Variants in IL1RAPL2 observed in about 807,000 individuals in gnomAD.
IL1RAPL2 encodes the protein X-linked interleukin-1 receptor accessory protein-like 2.
In IL1RAPL2, 3 loss-of-function variants were observed where a neutral mutation model predicts 44.1. That is an observed-to-expected ratio of 0.07 (90% CI 0.03 to 0.18). The LOEUF is 0.18. IL1RAPL2 is among the 10% of genes least tolerant of loss of function. The pLI is 1.00. For missense variants in IL1RAPL2, 391 were observed against 496.4 expected (o/e 0.79, Z 2.02); for synonymous variants, 181 against 178.8 (o/e 1.01, Z -0.10).
chrX:105,580,380 T>G (rs1324882181), intron 6 of IL1RAPL2, among the ~76,000 whole-genome samples: 1 of 105,433 alleles, frequency 9.5e-6, no homozygotes, highest in African/African-American at 3.5e-5. Flanking sequence ...TTTTTTTTTT[T>G]GCATACTTTG....
intron 2 of IL1RAPL2, among the ~76,000 whole-genome samples, chrX:104,774,025 G>A (rs770960947): frequency 8.1e-5 from 9 of 111,636 alleles, no homozygotes; most frequent in Non-Finnish European, 1.5e-4. Flanking sequence ...ATATTCAGGC[G>A]CTTTGGCCTG....
chrX:105,380,753 C>G (rs151307944), intron 5 of IL1RAPL2, among the ~76,000 whole-genome samples: 1,685 of 111,649 alleles, frequency 0.015, 37 homozygotes, highest in African/African-American at 0.052. Context: ...TAGGGACTTA[C>G]AGACAGCTGA....
At chrX:105,237,058 A>C (rs1351587129) in intron 4 of IL1RAPL2, among the ~76,000 whole-genome samples, 1 of 110,682 alleles carries the variant, frequency 9.0e-6, no homozygotes, top group Admixed American at 9.7e-5. Context: ...AAGTGTTCTC[A>C]TTGTTCAATT....
intron 2 of IL1RAPL2, among the ~76,000 whole-genome samples, chrX:104,725,727 G>A (rs1267126718): frequency 9.0e-6 from 1 of 111,307 alleles, no homozygotes; most frequent in Non-Finnish European, 1.9e-5. Context: ...TTTTTGATGG[G>A]GTTGTATGTT....
chrX:105,350,116 G>A (rs1474823674), intron 5 of IL1RAPL2, among the ~76,000 whole-genome samples: 7 of 111,982 alleles, frequency 6.3e-5, no homozygotes, highest in Admixed American at 4.7e-4. Flanking sequence ...TTTGGTGATA[G>A]CTACATATTG....
intron 1 of IL1RAPL2, among the ~76,000 whole-genome samples, chrX:104,594,432 AT>A (rs1475612386): frequency 9.0e-6 from 1 of 111,276 alleles, no homozygotes; most frequent in Non-Finnish European, 1.9e-5. Flanking sequence ...GTCAAACACC[AT>A]TGTCTGTCAA....
chrX:104,861,159 C>T (rs753517001), intron 2 of IL1RAPL2, among the ~76,000 whole-genome samples: 12 of 112,090 alleles, frequency 1.1e-4, no homozygotes, highest in Admixed American at 4.7e-4. Context: ...AGCATTCTGA[C>T]TGGAAAAGGT....
chrX:104,587,980 A>G (rs1317919608), intron 1 of IL1RAPL2, among the ~76,000 whole-genome samples: 2 of 111,627 alleles, frequency 1.8e-5, no homozygotes, highest in Non-Finnish European at 3.8e-5. Flanking sequence ...TTTTAGTGGA[A>G]AAATGTTTTA....
intron 6 of IL1RAPL2, among the ~76,000 whole-genome samples, chrX:105,518,878 T>A (rs1394346963): frequency 1.8e-5 from 2 of 111,917 alleles, no homozygotes; most frequent in Non-Finnish European, 3.8e-5. Flanking sequence ...AAGGTTAGTA[T>A]GTCAGGAATC....
At chrX:105,051,697 A>G (rs1438392474) in intron 2 of IL1RAPL2, among the ~76,000 whole-genome samples, 1 of 113,183 alleles carries the variant, frequency 8.8e-6, no homozygotes, top group Non-Finnish European at 1.9e-5. Context: ...CACCGGCTGC[A>G]TGGAGTGTGC....
intron 2 of IL1RAPL2, among the ~76,000 whole-genome samples, chrX:104,903,884 T>C (rs1166176961): frequency 8.9e-6 from 1 of 111,864 alleles, no homozygotes; most frequent in African/African-American, 3.2e-5. Context: ...CAGCCTAATA[T>C]TGTTATTTTA....
intron 2 of IL1RAPL2, among the ~76,000 whole-genome samples, chrX:105,123,175 GGAGA>G (rs2032942004): frequency 9.0e-6 from 1 of 110,922 alleles, no homozygotes; most frequent in African/African-American, 3.3e-5. Context: ...ATATCCCAGT[GGAGA>G]GAAACAATGA....
At chrX:105,035,664 A>C (rs2031616074) in intron 2 of IL1RAPL2, among the ~76,000 whole-genome samples, 2 of 112,488 alleles carry the variant, frequency 1.8e-5, no homozygotes, top group Admixed American at 1.9e-4. Context: ...AAAACAAATA[A>C]TCCAAAGTGT....
intron 9 of IL1RAPL2, among the ~76,000 whole-genome samples, chrX:105,749,631 C>G (rs1264572179): frequency 8.9e-6 from 1 of 112,070 alleles, no homozygotes; most frequent in Non-Finnish European, 1.9e-5. Context: ...ATGCTTATAG[C>G]ACCATTCTCA....
intron 2 of IL1RAPL2, among the ~76,000 whole-genome samples, chrX:104,707,395 C>A (rs2147555624): frequency 9.0e-6 from 1 of 111,602 alleles, no homozygotes; most frequent in South Asian, 3.7e-4. Flanking sequence ...GCCAGAAAAC[C>A]TAGTATGAAA....
At chrX:104,675,098 T>C (rs1315711315) in intron 2 of IL1RAPL2, among the ~76,000 whole-genome samples, 2 of 111,598 alleles carry the variant, frequency 1.8e-5, no homozygotes, top group African/African-American at 6.5e-5. Flanking sequence ...CTCTATTTCC[T>C]TCAGTTCTGC....
At chrX:104,910,372 T>C (rs756759165) in intron 2 of IL1RAPL2, among the ~76,000 whole-genome samples, 1 of 112,318 alleles carries the variant, frequency 8.9e-6, no homozygotes, top group South Asian at 3.7e-4. Flanking sequence ...CCATCTTGGC[T>C]CCTCTCTAAA....
intron 2 of IL1RAPL2, among the ~76,000 whole-genome samples, chrX:105,062,622 G>A (rs185698019): frequency 1.7e-4 from 19 of 111,407 alleles, no homozygotes; most frequent in Non-Finnish European, 3.6e-4. Context: ...GACAGATCTA[G>A]TATTAATAAA....
At chrX:104,819,105 G>A (rs376073361) in intron 2 of IL1RAPL2, among the ~76,000 whole-genome samples, 12 of 111,954 alleles carry the variant, frequency 1.1e-4, no homozygotes, top group African/African-American at 3.9e-4. Flanking sequence ...TTAGAGTGCC[G>A]TATCCTAAAC....
Sources: allele counts gnomAD v4.1 joint callset (sites outside exome capture counted in the v4.1 genomes callset), GRCh38; gene constraint gnomAD v4.1.1; transcripts MANE v1.5; gene names NCBI Gene and HGNC (gene_info 2026-07-23, HGNC 2026-07-21).